GRIK5: variants seen among roughly 807,000 people sequenced by gnomAD.
GRIK5 encodes the protein glutamate receptor ionotropic, kainate 5.
Under a neutral mutation model 97.4 loss-of-function variants are expected in GRIK5, and 43 were observed. The ratio of observed to expected loss-of-function variants is 0.44; its 90% CI spans 0.35 to 0.57. GRIK5 has a LOEUF of 0.57. Among genes scored for constraint, GRIK5 ranks in the 20% least tolerant of loss-of-function variants. The pLI is 0.01. For missense variants in GRIK5, 1,015 were observed against 1,382.0 expected (o/e 0.73, Z 4.21); for synonymous variants, 580 against 583.5 (o/e 0.99, Z 0.09).
At chr19:42,005,237 C>CAAAAAAAAAA (rs56825931) in intron 17 of GRIK5, among the ~76,000 whole-genome samples, 3 of 88,748 alleles carry the variant, frequency 3.4e-5, no homozygotes, top group Non-Finnish European at 6.1e-5. Context: ...GACTCCGTCT[C>CAAAAAAAAAA]AAAAAAAAAA....
rs2075446076 is a variant in GRIK5, at chr19:42,003,316, C to T, written c.2514+16G>A. ...GGGTCCCTGTTCCTGCCCACCCCCA[C>T]CCCCAGCCTCCTCACCTCCTCGGAC... On this transcript the variant is annotated intron_variant, in intron 19 of 19. Transcript: ENST00000593562. The surrounding 1 kb of genome is among the most constrained non-coding windows in gnomAD (Gnocchi z 4.2). 2 of 1,602,826 alleles carry T rather than the reference C, an allele frequency of 1.2e-6. No individual in the cohort carries two copies. Among genetic ancestry groups the T allele is most frequent in the Admixed American group, 1.7e-5 (1 of 59,702 alleles).
intron 15 of GRIK5, among the ~76,000 whole-genome samples, chr19:42,020,578 G>A (rs770956548): frequency 2.0e-5 from 3 of 152,306 alleles, no homozygotes; most frequent in Non-Finnish European, 4.4e-5. Flanking sequence ...GGATGAGATA[G>A]GAGGTTGGCA....
chr19:42,054,191 T>C (rs2076152252), intron 9 of GRIK5, 129 bp downstream of exon 9: 1 of 968,720 alleles, frequency 1.0e-6, no homozygotes, highest in East Asian at 2.5e-5. Flanking sequence ...CAGCCAGGAG[T>C]GGACAGGGGA....
intron 6 of GRIK5, among the ~76,000 whole-genome samples, chr19:42,057,312 G>C (rs2076199584): frequency 6.6e-6 from 1 of 152,036 alleles, no homozygotes; most frequent in Non-Finnish European, 1.5e-5. Flanking sequence ...AAGGCACTTA[G>C]AAGATTTCCT....
At position 42,022,167 on chromosome 19, in the gene GRIK5, C is replaced by T. The variant is rs1194027201; in HGVS notation, c.1587+74G>A. 7.1e-7 allele frequency: 1 copy of T among 1,415,214 alleles called. No homozygotes were observed. Among genetic ancestry groups the T allele is most frequent in the Non-Finnish European group, 9.9e-7 (1 of 1,005,908 alleles). 87.7% of individuals were successfully genotyped at this position (1,415,214 alleles called of 1,614,324 possible). A position where few individuals can be genotyped will look rare whatever the true frequency, so the allele number is the denominator to read the frequency against. ...GACCGGCCCATCTGAGGTCCTGGGG[C>T]TGTCTGGCTCCCACTCGCAGGCCCT... On this transcript the variant is annotated intron_variant, in intron 13 of 19. Coordinates refer to ENST00000593562, the MANE Select transcript of GRIK5 (RefSeq NM_002088.5). This position sits in a 1 kb window ranked among gnomAD's most constrained non-coding sequence, Gnocchi z 4.2.
chr19:42,068,770 G>GC, intron 1 of GRIK5: 1 of 547,980 alleles, frequency 1.8e-6, no homozygotes, highest in Non-Finnish European at 3.3e-6. Flanking sequence ...TCAGAGAGGG[G>GC]CCCAAGAGAC....
intron 19 of GRIK5, among the ~76,000 whole-genome samples, chr19:42,000,672 C>CGTGG (rs1430935134): frequency 6.6e-6 from 1 of 152,174 alleles, no homozygotes; most frequent in African/African-American, 2.4e-5. Flanking sequence ...CCCGCGTCCA[C>CGTGG]GCCCCTGTGT....
chr19:42,059,264 G>A (rs1344149067), intron 6 of GRIK5, 85 bp downstream of exon 6: 4 of 1,041,334 alleles, frequency 3.8e-6, no homozygotes, highest in Non-Finnish European at 4.4e-6. Context: ...TTTGACTCCT[G>A]AGGCCCATGG....
At position 41,999,121 on chromosome 19, in the gene GRIK5, T is replaced by C; in HGVS notation, c.2693A>G (p.Asp898Gly). ...CGGGCCCCCGTGCGCGCTGCCCGCATCCCCGCCCGCGCCGGCCGAGTAGAG... is the reference window on the plus strand; with the variant it reads ...CGGGCCCCCGTGCGCGCTGCCCGCACCCCCGCCCGCGCCGGCCGAGTAGAG... The part of the protein sequence containing the change: ...GKLYSAGAGG[D>G]AGSAHGGPQR... Residue 898 changes from aspartate to glycine, a missense_variant, in exon 20 of 20, where the codon GAT (aspartate) becomes GGT (glycine). Around this residue, in one of 5 missense-constraint regions of GRIK5, gnomAD observed 229 missense variants for 341.0 expected, o/e 0.67. Coordinates refer to ENST00000593562, the MANE Select transcript of GRIK5 (RefSeq NM_002088.5). The surrounding 1 kb of genome is among the most constrained non-coding windows in gnomAD (Gnocchi z 5.0). 5 of 1,419,866 alleles carry C rather than the reference T, an allele frequency of 3.5e-6. No homozygotes were observed. The highest frequency in any genetic ancestry group is 4.6e-6 in the Non-Finnish European group (5 of 1,093,280). 88.0% of individuals were successfully genotyped at this position (1,419,866 alleles called of 1,614,324 possible). A position where few individuals can be genotyped will look rare whatever the true frequency, so the allele number is the denominator to read the frequency against.
chr19:42,061,025 G>A (rs141872867), intron 5 of GRIK5, among the ~76,000 whole-genome samples: 1 of 152,192 alleles, frequency 6.6e-6, no homozygotes, highest in African/African-American at 2.4e-5. Context: ...CAGAGCAGGT[G>A]CTTAATAAAT....
rs922937859 is a variant in GRIK5, at chr19:42,006,008, G to A, written c.2038-60C>T. ...GTCTTTCCAGCCGCTTCCTTTCCCC[G>A]AGCCCTTCCCATCCTCCAGGAAGTC... On this transcript the variant is annotated intron_variant, in intron 16 of 19. Coordinates refer to ENST00000593562, the MANE Select transcript of GRIK5 (RefSeq NM_002088.5). This position sits in a 1 kb window ranked among gnomAD's most constrained non-coding sequence, Gnocchi z 5.3. 23 of 859,660 alleles carry A rather than the reference G, an allele frequency of 2.7e-5. No homozygotes were observed. Among genetic ancestry groups the A allele is most frequent in the Middle Eastern group, 5.8e-4 (2 of 3,432 alleles). 53.3% of individuals were successfully genotyped at this position (859,660 alleles called of 1,614,324 possible).
chr19:42,004,228 T>C (rs1555871851), intron 17 of GRIK5, among the ~76,000 whole-genome samples: 2 of 152,184 alleles, frequency 1.3e-5, no homozygotes, highest in Non-Finnish European at 2.9e-5. Context: ...TATATGGCTA[T>C]GTGTTTATCA....
intron 11 of GRIK5, among the ~76,000 whole-genome samples, chr19:42,043,467 G>A (rs1197218829): frequency 1.4e-5 from 2 of 146,916 alleles, no homozygotes; most frequent in African/African-American, 2.5e-5. Flanking sequence ...GTGCAGTGGC[G>A]CGATCTCAAC....
chr19:42,015,705 C>T (rs987342899), intron 15 of GRIK5, among the ~76,000 whole-genome samples: 3 of 152,074 alleles, frequency 2.0e-5, no homozygotes, highest in Non-Finnish European at 4.4e-5. Context: ...AGGACCGACC[C>T]GGGAGAATAG....
intron 11 of GRIK5, among the ~76,000 whole-genome samples, chr19:42,046,205 C>G (rs1489496779): frequency 6.6e-6 from 1 of 152,162 alleles, no homozygotes; most frequent in Non-Finnish European, 1.5e-5. Context: ...GTTCCTTCCA[C>G]TATGCCAAGC....
At chr19:42,026,571 T>A (rs956782032) in intron 12 of GRIK5, among the ~76,000 whole-genome samples, 2 of 149,580 alleles carry the variant, frequency 1.3e-5, no homozygotes, top group Middle Eastern at 3.2e-3. Flanking sequence ...TTATTATTAT[T>A]ATTATCATTA....
rs560442475 is a variant in GRIK5 at position 42,022,128 on chromosome 19, G to T, written c.1588-72C>A. The T allele has an allele frequency of 3.5e-6, 5 of 1,408,604 alleles. No individual in the cohort carries two copies. In the African/African-American group the frequency reaches 7.1e-5, roughly 20 times the overall value. 87.3% of individuals were successfully genotyped at this position (1,408,604 alleles called of 1,614,324 possible). ...TCACACCCAGCCCCTGCCCTACCAGGGACCTGGGAGCCTGACCGGCCCATC... is the reference window on the plus strand; with the variant it reads ...TCACACCCAGCCCCTGCCCTACCAGTGACCTGGGAGCCTGACCGGCCCATC... On this transcript the variant is annotated intron_variant, in intron 13 of 19. Transcript: ENST00000593562. The surrounding 1 kb of genome is among the most constrained non-coding windows in gnomAD (Gnocchi z 4.2).
chr19:42,002,194 G>C lies in GRIK5; in HGVS notation c.2514+1138C>G, dbSNP rs781875096. On this transcript the variant is annotated intron_variant, in intron 19 of 19. Transcript: ENST00000593562. The surrounding 1 kb of genome is among the most constrained non-coding windows in gnomAD (Gnocchi z 5.2). ...GATGCCAGACTGGAGTGGGGGGCAA[G>C]AGGAAATGGGAGGAAAGAAGAAACT... is the stretch of plus-strand genomic sequence containing the variant. The C allele has an allele frequency of 9.8e-6, 7 of 717,494 alleles. No individual in the cohort carries two copies. The highest frequency in any genetic ancestry group is 1.8e-5 in the Non-Finnish European group (7 of 385,144). 44.4% of individuals were successfully genotyped at this position (717,494 alleles called of 1,614,324 possible).
chr19:42,024,661 G>A (rs1048558662), intron 12 of GRIK5, among the ~76,000 whole-genome samples: 9 of 152,160 alleles, frequency 5.9e-5, no homozygotes, highest in Non-Finnish European at 1.0e-4. Flanking sequence ...GATCCTGCTC[G>A]GGTTTGACCG....
Sources: allele counts gnomAD v4.1 joint callset (sites outside exome capture counted in the v4.1 genomes callset), GRCh38; gene constraint gnomAD v4.1.1; regional missense constraint gnomAD v4.1.1; non-coding constraint Gnocchi (gnomAD v3.1); transcripts MANE v1.5; gene names NCBI Gene and HGNC (gene_info 2026-07-23, HGNC 2026-07-21).